Variants in RBM20 observed in about 807,000 individuals in gnomAD.
RBM20 encodes the protein RNA-binding protein 20.
A neutral mutation model predicts 110.1 loss-of-function variants in RBM20; 51 were observed. That is an observed-to-expected ratio of 0.46 (90% CI 0.37 to 0.59). The LOEUF (loss-of-function observed/expected upper bound fraction) is 0.59, where lower values mean the gene tolerates loss of function less well. Among genes scored for constraint, RBM20 ranks in the 20% least tolerant of loss-of-function variants. RBM20 has a pLI of 0.00. For missense variants in RBM20, 1,512 were observed against 1,574.9 expected (o/e 0.96, Z 0.68); for synonymous variants, 589 against 618.2 (o/e 0.95, Z 0.70).
At chr10:110,662,413 T>G (rs1293274816) in intron 1 of RBM20, among the ~76,000 whole-genome samples, 1 of 152,256 alleles carries the variant, frequency 6.6e-6, no homozygotes, top group Non-Finnish European at 1.5e-5. Flanking sequence ...ATCACTGCCC[T>G]TTCTCAAAGA....
At chr10:110,736,441 T>C (rs1804005946) in intron 1 of RBM20, among the ~76,000 whole-genome samples, 1 of 152,252 alleles carries the variant, frequency 6.6e-6, no homozygotes, top group African/African-American at 2.4e-5. Context: ...CTTTAAATTT[T>C]ATACACTTTT....
Position 110,780,828 on chromosome 10 carries a change from A to C in RBM20, c.219A>C (p.Pro73=). The change falls in exon 2 of 14, where the codon CCA becomes CCC. Residue 73 remains proline (P), a synonymous_variant. Coordinates refer to ENST00000369519, the MANE Select transcript of RBM20 (RefSeq NM_001134363.3). ...CCGCCAAGCTCCTGGACAAGAACCC[A>C]TTCTCGGTCAGTAACCCGAACCCTC... The part of the protein sequence containing the change: ...QNAAKLLDKN[P]FSVSNPNPLL... 6.5e-7 allele frequency: 1 copy of C among 1,535,404 alleles called. No homozygotes were observed. The highest frequency in any genetic ancestry group is 8.8e-7 in the Non-Finnish European group (1 of 1,137,130).
In RBM20 at chr10:110,789,318, C is replaced by A. The variant is rs938906716; in HGVS notation, c.1527+4429C>A. Among the ~76,000 whole-genome samples, 3 of 152,304 alleles carry A rather than the reference C, an allele frequency of 2.0e-5. No individual in the cohort carries two copies. In the East Asian group the frequency reaches 5.8e-4, roughly 29 times the overall value. ...AAGACCATCTGCCACTGCCACCAAGCCCTTCTGGGGACAGACTTGGCTGCA... is the reference window on the plus strand; with the variant it reads ...AAGACCATCTGCCACTGCCACCAAGACCTTCTGGGGACAGACTTGGCTGCA... On this transcript the variant is annotated intron_variant, in intron 5 of 13. Transcript: ENST00000369519.
At chr10:110,733,305 G>T (rs1207884482) in intron 1 of RBM20, among the ~76,000 whole-genome samples, 1 of 152,210 alleles carries the variant, frequency 6.6e-6, no homozygotes, top group African/African-American at 2.4e-5. Context: ...TGCAGAATCA[G>T]TGACCCCTTC....
intron 1 of RBM20, among the ~76,000 whole-genome samples, chr10:110,728,862 C>T (rs750011787): frequency 6.6e-5 from 10 of 152,108 alleles, no homozygotes; most frequent in Non-Finnish European, 1.0e-4. Flanking sequence ...TCTGCTGACC[C>T]GCTGAGCGAT....
At chr10:110,705,659 TAC>T (rs1274627912) in intron 1 of RBM20, among the ~76,000 whole-genome samples, 1 of 152,242 alleles carries the variant, frequency 6.6e-6, no homozygotes, top group African/African-American at 2.4e-5. Context: ...GCGTAAGTAA[TAC>T]ACATATGCTA....
chr10:110,699,820 C>G (rs1564819070), intron 1 of RBM20, among the ~76,000 whole-genome samples: 1 of 152,022 alleles, frequency 6.6e-6, no homozygotes, highest in Non-Finnish European at 1.5e-5. Flanking sequence ...AGGCACAGTA[C>G]TCTTGTGCGT....
chr10:110,814,466 A>C (rs1246846105), intron 9 of RBM20, among the ~76,000 whole-genome samples: 1 of 151,834 alleles, frequency 6.6e-6, no homozygotes, highest in Non-Finnish European at 1.5e-5. Context: ...CTGAGTATTA[A>C]AAGTAGAAAA....
intron 5 of RBM20, among the ~76,000 whole-genome samples, chr10:110,792,141 GTCTATCTATCTATCTATCTA>G (rs55998629): frequency 4.8e-4 from 71 of 147,638 alleles, no homozygotes; most frequent in Non-Finnish European, 7.1e-4. Context: ...TCCTCTATCT[GTCTATCTATCTATCTATCTA>G]TCTATCTATC....
In RBM20 at chr10:110,821,487, C is replaced by A. The variant is rs1554843535; in HGVS notation, c.2868C>A (p.Asp956Glu). Residue 956 changes from aspartate to glutamate, a missense_variant, in exon 11 of 14, where the codon GAC (aspartate) becomes GAA (glutamate). Coordinates refer to ENST00000369519, the MANE Select transcript of RBM20 (RefSeq NM_001134363.3). ...GTGTGACAACCACCTTAGACTTAGACCTGGCCCAGGATTTCCCCAAGGAAG... is the reference window on the plus strand; with the variant it reads ...GTGTGACAACCACCTTAGACTTAGAACTGGCCCAGGATTTCCCCAAGGAAG... ...CLCVTTTLDL[D>E]LAQDFPKEGV... 3 of 1,551,946 alleles carry A rather than the reference C, an allele frequency of 1.9e-6. No individual in the cohort carries two copies. The highest frequency in any genetic ancestry group is 2.6e-6 in the Non-Finnish European group (3 of 1,147,046).
At chr10:110,673,977 A>G (rs2134846834) in intron 1 of RBM20, among the ~76,000 whole-genome samples, 1 of 152,300 alleles carries the variant, frequency 6.6e-6, no homozygotes. Context: ...TTCCTTTGGC[A>G]GTCTGAGGGT....
rs5787867 is a variant in RBM20 at position 110,699,260 on chromosome 10, C to CTT, written c.191+54631_191+54632dup. Reference sequence around the variant, plus strand: ...CATCTTTAAAAAAAAAAAGTGCATTCTTTTTTTTTTTTTTTTTCCTGAGAC... The same window carrying CTT: ...CATCTTTAAAAAAAAAAAGTGCATTCTTTTTTTTTTTTTTTTTTTCCTGAGAC... On this transcript the variant is annotated intron_variant, in intron 1 of 13. Transcript: ENST00000369519. Among the ~76,000 whole-genome samples, 173 of 123,342 alleles carry CTT rather than the reference C, an allele frequency of 1.4e-3. 1 individual carries two copies. Among genetic ancestry groups the CTT allele is most frequent in the Admixed American group, 2.0e-3 (23 of 11,692 alleles). 80.9% of individuals were successfully genotyped at this position (123,342 alleles called of 152,430 possible). A position where few individuals can be genotyped will look rare whatever the true frequency, so the allele number is the denominator to read the frequency against.
intron 1 of RBM20, among the ~76,000 whole-genome samples, chr10:110,687,050 A>C (rs1008720611): frequency 6.6e-6 from 1 of 151,890 alleles, no homozygotes; most frequent in African/African-American, 2.4e-5. Context: ...AAGAAAAAAA[A>C]AAAAAAAGAA....
At chr10:110,751,891 G>GT (rs911868381) in intron 1 of RBM20, among the ~76,000 whole-genome samples, 5 of 151,700 alleles carry the variant, frequency 3.3e-5, no homozygotes, top group Non-Finnish European at 5.9e-5. Flanking sequence ...CTGAAAGACT[G>GT]TTTTTTTTAG....
Position 110,644,933 on chromosome 10 carries a change from G to GATTT in RBM20, c.191+288_191+289insATTT, listed in dbSNP as rs1219057038. 6.6e-6 allele frequency among the ~76,000 whole-genome samples: 1 copy of GATTT among 152,152 alleles called. No individual in the cohort carries two copies. Among genetic ancestry groups the GATTT allele is most frequent in the African/African-American group, 2.4e-5 (1 of 41,414 alleles). ...TTGAACTAAAATAGCTCAGATTGGG[G>GATTT]GGAAATGGCCCAGCGACTGTATTTC... On this transcript the variant is annotated intron_variant, in intron 1 of 13. Transcript: ENST00000369519. This position sits in a 1 kb window ranked among gnomAD's most constrained non-coding sequence, Gnocchi z 4.3.
rs727503391 is a variant in RBM20 at position 110,821,650 on chromosome 10, G to C, written c.3031G>C (p.Ala1011Pro). 1 of 1,551,814 alleles carries C rather than the reference G, an allele frequency of 6.4e-7. No individual in the cohort carries two copies. Among genetic ancestry groups the C allele is most frequent in the South Asian group, 1.2e-5 (1 of 84,068 alleles). ...AAATCTGGATGCTGAGCGGAAGCCA[G>C]CTGAAAGTGAGACAGGCCTCTCCCT... ...GLNLDAERKP[A>P]ESETGLSLED... The change falls in exon 11 of 14, where the codon GCT becomes CCT. Residue 1011 changes from alanine to proline, a missense_variant. Transcript: ENST00000369519.
intron 1 of RBM20, among the ~76,000 whole-genome samples, chr10:110,667,469 T>G (rs1862195200): frequency 6.6e-6 from 1 of 152,168 alleles, no homozygotes; most frequent in South Asian, 2.1e-4. Flanking sequence ...GTGGGGAAGA[T>G]CCTGCCTCGG....
rs1198242067 is a variant in RBM20 at position 110,799,912 on chromosome 10, G to C, written c.1794G>C (p.Gln598His). 3 of 1,551,950 alleles carry C rather than the reference G, an allele frequency of 1.9e-6. No homozygotes were observed. Among genetic ancestry groups the C allele is most frequent in the South Asian group, 2.4e-5 (2 of 84,052 alleles). Residue 598 changes from glutamine (Q) to histidine (H), a missense_variant, in exon 7 of 14, where the codon CAG becomes CAC. By Grantham distance (24) the Gln-to-His change is conservative. Coordinates refer to ENST00000369519, the MANE Select transcript of RBM20 (RefSeq NM_001134363.3). ...IRMSKRYKEL[Q>H]LKKPGKAVAA... The stretch of plus-strand genomic sequence containing the variant: ...TGTCCAAGAGATACAAGGAATTGCA[G>C]CTCAAGGTAAAGCATTATCTTGCTC...
At chr10:110,644,262 G>T (rs568541594), upstream of RBM20, 2 of 365,928 alleles carry the variant, frequency 5.5e-6, no homozygotes, top group Non-Finnish European at 4.8e-6. This position sits in a 1 kb window ranked among gnomAD's most constrained non-coding sequence, Gnocchi z 4.3. Context: ...GTGGCCGGCC[G>T]GGACGAGCTG....
Sources: gnomAD v4.1 joint callset for allele counts (sites outside exome capture counted in the v4.1 genomes callset) on GRCh38, gnomAD v4.1.1 for gene constraint, Gnocchi (gnomAD v3.1) non-coding constraint, MANE v1.5 for transcripts, NCBI Gene and HGNC (gene_info 2026-07-23, HGNC 2026-07-21) for gene names.